The following PAPPA2 variants were observed in gnomAD, a reference collection of about 807,000 sequenced individuals.
The protein encoded by PAPPA2 is pappalysin-2.
Under a neutral mutation model 176.4 loss-of-function variants are expected in PAPPA2, and 86 were observed. The ratio of observed to expected loss-of-function variants is 0.49; its 90% CI spans 0.41 to 0.58. The LOEUF (loss-of-function observed/expected upper bound fraction) is 0.58, where lower values mean the gene tolerates loss of function less well. PAPPA2 is among the 20% of genes least tolerant of loss of function. The pLI is 0.00. For missense variants in PAPPA2, 2,073 were observed against 2,256.9 expected (o/e 0.92, Z 1.65); for synonymous variants, 809 against 852.2 (o/e 0.95, Z 0.88).
chr1:176,831,578 A>G (rs1230553611), intron 21 of PAPPA2, among the ~76,000 whole-genome samples: 1 of 152,050 alleles, frequency 6.6e-6, no homozygotes, highest in East Asian at 1.9e-4. Context: ...GGGCAAGACC[A>G]CTCATATAGA....
chr1:176,480,358 T>G (rs1272343583), intron 1 of PAPPA2, among the ~76,000 whole-genome samples: 1 of 152,184 alleles, frequency 6.6e-6, no homozygotes, highest in Non-Finnish European at 1.5e-5. Flanking sequence ...TTGGGCAGGC[T>G]GACCTGGAAT....
At chr1:176,780,527 C>T (rs1486763038) in intron 17 of PAPPA2, among the ~76,000 whole-genome samples, 1 of 152,108 alleles carries the variant, frequency 6.6e-6, no homozygotes, top group Non-Finnish European at 1.5e-5. Flanking sequence ...TTTTGAAAAT[C>T]TCTGGGTTCT....
chr1:176,474,606 A>G (rs917566725), intron 1 of PAPPA2, among the ~76,000 whole-genome samples: 4 of 152,220 alleles, frequency 2.6e-5, no homozygotes, highest in Admixed American at 6.5e-5. Flanking sequence ...GATGCCCAGC[A>G]GGAGACTTCA....
rs1367892241 is a variant in PAPPA2, at chr1:176,594,691, A to G, written c.1087A>G (p.Thr363Ala). 6.2e-7 allele frequency: 1 copy of G among 1,614,234 alleles called. No homozygotes were observed. The highest frequency in any genetic ancestry group is 1.3e-5 in the African/African-American group (1 of 75,074). ...LISHSRYQPG[T>A]WTHVAATYDG... ...TAGCCACAGTCGCTACCAACCAGGCACATGGACCCATGTGGCAGCCACTTA... is the reference window on the plus strand; with the variant it reads ...TAGCCACAGTCGCTACCAACCAGGCGCATGGACCCATGTGGCAGCCACTTA... The change falls in exon 3 of 23, where the codon ACA becomes GCA. Residue 363 changes from threonine to alanine, a missense_variant. Thr to Ala is a moderately conservative substitution (Grantham distance 58, BLOSUM62 0). Coordinates refer to ENST00000367662, the MANE Select transcript of PAPPA2 (RefSeq NM_020318.3).
At chr1:176,647,970 C>A (rs1380567337) in intron 3 of PAPPA2, among the ~76,000 whole-genome samples, 2 of 151,450 alleles carry the variant, frequency 1.3e-5, no homozygotes, top group Admixed American at 6.6e-5. Context: ...TTTTCTATTT[C>A]TGTGAGGAAT....
chr1:176,643,339 T>G (rs746292501), intron 3 of PAPPA2, among the ~76,000 whole-genome samples: 1 of 151,672 alleles, frequency 6.6e-6, no homozygotes, highest in African/African-American at 2.4e-5. Context: ...TGAATATTTC[T>G]GTAAATGGCC....
intron 10 of PAPPA2, among the ~76,000 whole-genome samples, chr1:176,709,504 C>A (rs1661042234): frequency 6.6e-6 from 1 of 152,102 alleles, no homozygotes; most frequent in Non-Finnish European, 1.5e-5. Context: ...AATTAAGCAA[C>A]AAATAGTGAT....
intron 2 of PAPPA2, among the ~76,000 whole-genome samples, chr1:176,587,027 C>G (rs1252597051): frequency 6.6e-6 from 1 of 152,038 alleles, no homozygotes; most frequent in Non-Finnish European, 1.5e-5. Flanking sequence ...TTTGATTTCT[C>G]TAATGATCAG....
intron 1 of PAPPA2, among the ~76,000 whole-genome samples, chr1:176,471,082 CAAG>C (rs997103653): frequency 4.6e-5 from 7 of 152,012 alleles, no homozygotes; most frequent in African/African-American, 1.7e-4. Flanking sequence ...TGCCTTAAAT[CAAG>C]AAGAACACAG....
At chr1:176,560,277 C>T (rs1651587062) in intron 2 of PAPPA2, among the ~76,000 whole-genome samples, 1 of 152,204 alleles carries the variant, frequency 6.6e-6, no homozygotes, top group Non-Finnish European at 1.5e-5. Flanking sequence ...TTTCCCCTCT[C>T]CCTCCCCCAC....
chr1:176,502,611 T>G (rs1165800883), intron 1 of PAPPA2, among the ~76,000 whole-genome samples: 2 of 152,188 alleles, frequency 1.3e-5, no homozygotes, highest in Admixed American at 1.3e-4. Context: ...CTAGGTATGT[T>G]TCAGATGGTG....
rs1051927284 is a variant in PAPPA2, at chr1:176,795,008, G to A, written c.5130+1339G>A. ...CAGTTGCGACAGGCAGGGGGCAGCC[G>A]AATCGTCAATGGTGATGCCCATTGC... On this transcript the variant is annotated intron_variant, in intron 20 of 22. Coordinates refer to ENST00000367662, the MANE Select transcript of PAPPA2 (RefSeq NM_020318.3). Among the ~76,000 whole-genome samples, 5 of 152,122 alleles carry A rather than the reference G, an allele frequency of 3.3e-5. No individual in the cohort carries two copies. In the East Asian group the frequency reaches 9.7e-4, roughly 29 times the overall value.
At chr1:176,575,308 T>C (rs931085845) in intron 2 of PAPPA2, among the ~76,000 whole-genome samples, 1 of 152,196 alleles carries the variant, frequency 6.6e-6, no homozygotes, top group African/African-American at 2.4e-5. Context: ...TGGGCAAATA[T>C]TTATCTACGT....
chr1:176,792,623 G>A (rs149103687), intron 19 of PAPPA2, among the ~76,000 whole-genome samples: 266 of 152,110 alleles, frequency 1.7e-3, no homozygotes, highest in African/African-American at 6.2e-3. Context: ...CTAACTCGTC[G>A]GTGGGTGCAG....
At chr1:176,831,274 T>A (rs1667070230) in intron 21 of PAPPA2, among the ~76,000 whole-genome samples, 1 of 152,074 alleles carries the variant, frequency 6.6e-6, no homozygotes, top group South Asian at 2.1e-4. Context: ...ACCCAACACC[T>A]TACCATCAGC....
In PAPPA2 at chr1:176,617,055, C is replaced by T. The variant is rs193188839; in HGVS notation, c.1991+21460C>T. Among the ~76,000 whole-genome samples the T allele has an allele frequency of 9.2e-4, 140 of 152,104 alleles. 2 individuals are homozygous for T. Among genetic ancestry groups the T allele is most frequent in the African/African-American group, 3.1e-3 (127 of 41,390 alleles). On this transcript the variant is annotated intron_variant, in intron 3 of 22. Transcript: ENST00000367662. ...CAGGTCAGAACTCTTATAAAATGCT[C>T]TGTGGATTTCAATTCAACACTTTTG...
intron 3 of PAPPA2, among the ~76,000 whole-genome samples, chr1:176,597,968 C>T (rs1355865004): frequency 1.3e-5 from 2 of 152,298 alleles, no homozygotes; most frequent in East Asian, 3.9e-4. Flanking sequence ...ACTCACCTCA[C>T]TGCCTGCAGA....
chr1:176,673,105 G>T (rs147382317), intron 4 of PAPPA2, among the ~76,000 whole-genome samples: 99 of 152,240 alleles, frequency 6.5e-4, no homozygotes, highest in African/African-American at 2.3e-3. Context: ...AAACAAATTT[G>T]TAAGTCATAG....
chr1:176,480,264 A>C (rs1449382127), intron 1 of PAPPA2, among the ~76,000 whole-genome samples: 1 of 152,144 alleles, frequency 6.6e-6, no homozygotes, highest in Non-Finnish European at 1.5e-5. Context: ...ATGCCTCCCC[A>C]GCTCCTGGGG....
Sources: gnomAD v4.1 joint callset for allele counts (sites outside exome capture counted in the v4.1 genomes callset) on GRCh38, gnomAD v4.1.1 for gene constraint, MANE v1.5 for transcripts, NCBI Gene and HGNC (gene_info 2026-07-23, HGNC 2026-07-21) for gene names.